The following NEDD9 variants were observed in gnomAD, a reference collection of about 807,000 sequenced individuals.
NEDD9 encodes the protein neural precursor cell expressed, developmentally down-regulated 9.
A neutral mutation model predicts 76.6 loss-of-function variants in NEDD9; 26 were observed. The ratio of observed to expected loss-of-function variants is 0.34; its 90% CI spans 0.25 to 0.47. The LOEUF is 0.47. Ranked by LOEUF, NEDD9 falls within the 20% of genes least tolerant of loss-of-function variation. NEDD9 has a pLI of 1.00. For missense variants in NEDD9, 937 were observed against 1,058.5 expected, an observed-to-expected ratio of 0.89 and a Z score of 1.59; for synonymous variants, 392 against 414.2, an observed-to-expected ratio of 0.95 and a Z score of 0.65.
intron 2 of NEDD9, among the ~76,000 whole-genome samples, chr6:11,201,745 T>C (rs1758463022): frequency 6.6e-6 from 1 of 152,228 alleles, no homozygotes; most frequent in African/African-American, 2.4e-5. Context: ...TTTTAAAAGA[T>C]AATAAGAAAT....
At chr6:11,268,746 G>GACACAC (rs200336412) in intron 3 of NEDD9, among the ~76,000 whole-genome samples, 97 of 136,590 alleles carry the variant, frequency 7.1e-4, no homozygotes, top group African/African-American at 2.2e-3. Context: ...CACACACACA[G>GACACAC]ACACACACAC....
chr6:11,185,350 G>C lies in NEDD9; in HGVS notation c.2317C>G (p.Arg773Gly), dbSNP rs763845737. ...TTGCTGGAGTTCATGACTTTGTTGCGAATGTCCTGGGCAGTCACCTGCCGT... is the reference window on the plus strand; with the variant it reads ...TTGCTGGAGTTCATGACTTTGTTGCCAATGTCCTGGGCAGTCACCTGCCGT... ...LTRQVTAQDI[R>G]NKVMNSSNQL... is the part of the protein sequence containing the mutation. The change falls in exon 7 of 7, where the codon CGC (arginine) becomes GGC (glycine). Residue 773 changes from arginine to glycine, a missense_variant. Transcript: ENST00000379446. 12 of 1,614,036 alleles carry C rather than the reference G, an allele frequency of 7.4e-6. No homozygotes were observed. Among genetic ancestry groups the C allele is most frequent in the African/African-American group, 1.3e-5 (1 of 74,900 alleles).
chr6:11,365,104 C>G (rs1762738418), intron 1 of NEDD9, among the ~76,000 whole-genome samples: 1 of 152,126 alleles, frequency 6.6e-6, no homozygotes, highest in South Asian at 2.1e-4. Context: ...CACTCACCCC[C>G]CAGATGGGAA....
chr6:11,237,033 C>G (rs1225074059), upstream of NEDD9, among the ~76,000 whole-genome samples: 1 of 152,062 alleles, frequency 6.6e-6, no homozygotes, highest in Non-Finnish European at 1.5e-5. This position sits in a 1 kb window ranked among gnomAD's most constrained non-coding sequence, Gnocchi z 4.9. Flanking sequence ...CTGAGAATGA[C>G]CCCCCTTCAC....
intron 4 of NEDD9, 123 bp from the exon 5 acceptor site, chr6:11,191,328 G>A (rs2113719710): frequency 1.0e-6 from 1 of 991,350 alleles, no homozygotes; most frequent in East Asian, 2.6e-5. Context: ...CCAATGTTAG[G>A]CACTTCCAAG....
chr6:11,275,565 C>CACACACACACATATATATATATAT (rs551632582), intron 3 of NEDD9, among the ~76,000 whole-genome samples: 6 of 150,184 alleles, frequency 4.0e-5, no homozygotes, highest in African/African-American at 1.5e-4. Flanking sequence ...CACACACACA[C>CACACACACACATATATATATATAT]ATATATATAT....
intron 1 of NEDD9, among the ~76,000 whole-genome samples, chr6:11,336,987 G>A (rs1227936304): frequency 6.6e-6 from 1 of 152,178 alleles, no homozygotes; most frequent in Non-Finnish European, 1.5e-5. Context: ...TTGGGAGGCT[G>A]AGGCAGGCGG....
At chr6:11,322,495 G>A (rs369564971) in intron 2 of NEDD9, among the ~76,000 whole-genome samples, 2 of 152,142 alleles carry the variant, frequency 1.3e-5, no homozygotes, top group South Asian at 4.1e-4. Flanking sequence ...TTTTGGACAC[G>A]GTATTGCCAT....
intron 3 of NEDD9, among the ~76,000 whole-genome samples, chr6:11,284,761 A>C (rs1760612483): frequency 6.6e-6 from 1 of 150,620 alleles, no homozygotes; most frequent in Non-Finnish European, 1.5e-5. Context: ...CTAATAATAA[A>C]ATCAACAATG....
intron 1 of NEDD9, among the ~76,000 whole-genome samples, chr6:11,229,480 A>G (rs1214540388): frequency 6.6e-6 from 1 of 151,152 alleles, no homozygotes; most frequent in Non-Finnish European, 1.5e-5. Context: ...CCCTTCCATC[A>G]CCCTCCTGGG....
At position 11,218,723 on chromosome 6, in the gene NEDD9, G is replaced by T. The variant is rs139294707; in HGVS notation, c.13-4996C>A. On this transcript the variant is annotated intron_variant, in intron 1 of 6. Transcript: ENST00000379446. ...GAGAATTCAGCAAGACATTTGGTTAGAATTTTCAGATGGAAGTGGGGAAAA... is the reference window on the plus strand; with the variant it reads ...GAGAATTCAGCAAGACATTTGGTTATAATTTTCAGATGGAAGTGGGGAAAA... 3.5e-3 allele frequency among the ~76,000 whole-genome samples: 535 copies of T among 152,274 alleles called. 3 individuals are homozygous for T. Among genetic ancestry groups the T allele is most frequent in the Non-Finnish European group, 5.2e-3 (352 of 68,022 alleles).
chr6:11,188,184 AAT>A, intron 6 of NEDD9, 32 bp downstream of exon 6: 1 of 1,530,174 alleles, frequency 6.5e-7, no homozygotes. Context: ...AAATCTTTCC[AAT>A]GCCAAGCAGT....
intron 2 of NEDD9, among the ~76,000 whole-genome samples, chr6:11,206,878 T>A (rs1758632345): frequency 6.6e-6 from 1 of 152,206 alleles, no homozygotes; most frequent in African/African-American, 2.4e-5. Context: ...TCCAGTTTTG[T>A]GTAATATTAA....
At position 11,245,608 on chromosome 6, in the gene NEDD9, C is replaced by T. The variant is rs116006918; in HGVS notation, c.13-31881G>A. Among the ~76,000 whole-genome samples the T allele has an allele frequency of 7.5e-3, 1,124 of 149,024 alleles. 11 individuals carry two copies. Among genetic ancestry groups the T allele is most frequent in the Non-Finnish European group, 0.012 (820 of 67,644 alleles). ...ATACCTATTACAGTAGCAGCCAACG[C>T]GGCTGCAGGAAGATAAACTTGCGTT... On this transcript the variant is annotated intron_variant, in intron 3 of 3. Transcript: ENST00000397378.
intron 6 of NEDD9, among the ~76,000 whole-genome samples, chr6:11,187,354 G>T (rs977102105): frequency 1.3e-5 from 2 of 152,122 alleles, no homozygotes; most frequent in African/African-American, 2.4e-5. Flanking sequence ...TCTAGCAATA[G>T]TCGTCATTAT....
chr6:11,186,615 A>G (rs974874272), intron 6 of NEDD9, among the ~76,000 whole-genome samples: 1 of 151,614 alleles, frequency 6.6e-6, no homozygotes, highest in African/African-American at 2.4e-5. Flanking sequence ...AGCCAGCTTT[A>G]CTTTACTTTT....
Position 11,213,877 on chromosome 6 carries a change from T to C in NEDD9, c.13-150A>G, listed in dbSNP as rs1470487081. On this transcript the variant is annotated intron_variant, in intron 1 of 6. Coordinates refer to ENST00000379446, the MANE Select transcript of NEDD9 (RefSeq NM_006403.4). This position sits in a 1 kb window ranked among gnomAD's most constrained non-coding sequence, Gnocchi z 5.4. ...AGACTGTAAGGAGAAAAACAGATGG[T>C]GCAGACAAAAGACAGATACATATAC... 2 of 713,600 alleles carry C rather than the reference T, an allele frequency of 2.8e-6. No homozygotes were observed. The highest frequency in any genetic ancestry group is 2.7e-5 in the East Asian group (1 of 37,002). 44.2% of individuals were successfully genotyped at this position (713,600 alleles called of 1,614,324 possible).
At chr6:11,237,222 G>A (rs1470791734), upstream of NEDD9, among the ~76,000 whole-genome samples, 2 of 152,118 alleles carry the variant, frequency 1.3e-5, no homozygotes, top group Non-Finnish European at 2.9e-5. This position sits in a 1 kb window ranked among gnomAD's most constrained non-coding sequence, Gnocchi z 4.9. Context: ...ATGATTTGTT[G>A]ATGTCTGTTT....
chr6:11,216,949 T>A (rs1396373546), intron 1 of NEDD9, among the ~76,000 whole-genome samples: 1 of 152,226 alleles, frequency 6.6e-6, no homozygotes, highest in East Asian at 1.9e-4. Context: ...CACTGCAACC[T>A]CTTGTTGAGT....
Sources: gnomAD v4.1 joint callset for allele counts (sites outside exome capture counted in the v4.1 genomes callset) on GRCh38, gnomAD v4.1.1 for gene constraint, Gnocchi (gnomAD v3.1) non-coding constraint, MANE v1.5 for transcripts, NCBI Gene and HGNC (gene_info 2026-07-23, HGNC 2026-07-21) for gene names.